Variants in SNRNP40 observed in about 807,000 individuals in gnomAD.
The protein encoded by SNRNP40 is small nuclear ribonucleoprotein U5 subunit 40.
A neutral mutation model predicts 45.8 loss-of-function variants in SNRNP40; 21 were observed. The ratio of observed to expected loss-of-function variants is 0.46; its 90% CI spans 0.32 to 0.66. The LOEUF is 0.66. Ranked by LOEUF, SNRNP40 falls within the 30% of genes least tolerant of loss-of-function variation. The pLI is 0.03. For missense variants in SNRNP40, 344 were observed against 439.1 expected, an observed-to-expected ratio of 0.78 and a Z score of 1.94; for synonymous variants, 142 against 163.8, an observed-to-expected ratio of 0.87 and a Z score of 1.01.
At position 31,291,288 on chromosome 1, in the gene SNRNP40, CA is replaced by C. The variant is rs55857301; in HGVS notation, c.365+624del. On this transcript the variant is annotated intron_variant, in intron 3 of 9. Coordinates refer to ENST00000263694, the MANE Select transcript of SNRNP40 (RefSeq NM_004814.3). ...GGGCAACAAGAGTGAAATTCCGTCT[CA>C]AAAAAAAAAAATTAACACTGATTAT... Among the ~76,000 whole-genome samples, 693 of 128,632 alleles carry C rather than the reference CA, an allele frequency of 5.4e-3. 18 individuals carry two copies. The highest frequency in any genetic ancestry group is 0.018 in the African/African-American group (648 of 35,126). The allele number at this position is 128,632 out of a possible 152,430, so 84.4% of individuals were successfully genotyped here.
intron 8 of SNRNP40, among the ~76,000 whole-genome samples, chr1:31,262,317 T>G (rs1198917255): frequency 6.6e-6 from 1 of 151,720 alleles, no homozygotes; most frequent in African/African-American, 2.4e-5. Context: ...GTCTGGAGTT[T>G]GAGACCAGCC....
intron 2 of SNRNP40, among the ~76,000 whole-genome samples, chr1:31,292,378 C>T (rs1159036893): frequency 6.6e-6 from 1 of 151,930 alleles, no homozygotes; most frequent in Non-Finnish European, 1.5e-5. Flanking sequence ...GCCAACCGAC[C>T]AACCAAACAA....
At chr1:31,289,871 C>A (rs1326018394) in intron 3 of SNRNP40, among the ~76,000 whole-genome samples, 2 of 151,948 alleles carry the variant, frequency 1.3e-5, no homozygotes, top group African/African-American at 4.8e-5. Context: ...AGGACAATTT[C>A]TTTCTTTCAT....
chr1:31,286,653 C>G (rs950901074), intron 4 of SNRNP40, among the ~76,000 whole-genome samples: 1 of 152,150 alleles, frequency 6.6e-6, no homozygotes. Context: ...TACAGGCGAC[C>G]CTTTCACCCC....
At chr1:31,292,547 T>C (rs1646115157) in intron 2 of SNRNP40, among the ~76,000 whole-genome samples, 1 of 152,050 alleles carries the variant, frequency 6.6e-6, no homozygotes, top group Non-Finnish European at 1.5e-5. Flanking sequence ...ACGGGTATCA[T>C]CCACCCGGCA....
At chr1:31,284,477 C>T (rs897367966) in intron 4 of SNRNP40, among the ~76,000 whole-genome samples, 1 of 152,174 alleles carries the variant, frequency 6.6e-6, no homozygotes, top group Non-Finnish European at 1.5e-5. Flanking sequence ...ACAAACAAAC[C>T]CTTATAGCTC....
intron 4 of SNRNP40, among the ~76,000 whole-genome samples, chr1:31,286,757 C>CT (rs1043102158): frequency 7.7e-4 from 118 of 152,308 alleles, no homozygotes; most frequent in African/African-American, 2.5e-3. Flanking sequence ...TCCTCACTCT[C>CT]TGACTACTCC....
At chr1:31,268,967 A>G (rs942898199) in intron 7 of SNRNP40, among the ~76,000 whole-genome samples, 191 bp downstream of exon 7, 1 of 152,218 alleles carries the variant, frequency 6.6e-6, no homozygotes, top group Non-Finnish European at 1.5e-5. Flanking sequence ...CTTTTGGGCT[A>G]TATGACTGGC....
chr1:31,274,486 C>A (rs6425729), intron 5 of SNRNP40, among the ~76,000 whole-genome samples: 21,334 of 151,880 alleles, frequency 0.14, 1,636 homozygotes, highest in African/African-American at 0.17. Context: ...TGTGATCCGC[C>A]CACCTCAGCC....
intron 1 of SNRNP40, 141 bp downstream of exon 1, chr1:31,296,470 C>T (rs1646159947): frequency 1.7e-6 from 2 of 1,156,974 alleles, no homozygotes; most frequent in Non-Finnish European, 2.4e-6. Context: ...GGAGCTTTTA[C>T]AGTGTTTATG....
At chr1:31,284,328 T>C (rs1214092307) in intron 4 of SNRNP40, among the ~76,000 whole-genome samples, 1 of 152,192 alleles carries the variant, frequency 6.6e-6, no homozygotes, top group Non-Finnish European at 1.5e-5. Context: ...TTTCTATTTT[T>C]AGAAGAGACG....
chr1:31,271,315 G>C (rs1411233056), intron 6 of SNRNP40, 64 bp downstream of exon 6: 5 of 1,520,424 alleles, frequency 3.3e-6, no homozygotes, highest in African/African-American at 1.4e-5. Flanking sequence ...TCGTCTGATG[G>C]AATCTGTGAG....
chr1:31,267,043 TA>T (rs969041524), intron 8 of SNRNP40, among the ~76,000 whole-genome samples: 4 of 152,032 alleles, frequency 2.6e-5, no homozygotes, highest in Non-Finnish European at 5.9e-5. Flanking sequence ...CAAGAGGTAA[TA>T]GAGAGAGGGG....
chr1:31,280,958 T>C (rs1646012567), intron 5 of SNRNP40, among the ~76,000 whole-genome samples: 1 of 152,184 alleles, frequency 6.6e-6, no homozygotes, highest in South Asian at 2.1e-4. Flanking sequence ...CCTTCTCTCA[T>C]TCTTAGAGAA....
chr1:31,281,753 C>A, intron 4 of SNRNP40: 1 of 291,836 alleles, frequency 3.4e-6, no homozygotes, highest in South Asian at 1.0e-4. Flanking sequence ...AGAGTTAAAT[C>A]AACATACTCT....
At chr1:31,295,311 C>T (rs1046566033) in intron 1 of SNRNP40, among the ~76,000 whole-genome samples, 1 of 151,428 alleles carries the variant, frequency 6.6e-6, no homozygotes, top group African/African-American at 2.4e-5. Flanking sequence ...TGTACTGAGC[C>T]AGTGGTCAAC....
chr1:31,261,388 A>C (rs556407262), intron 9 of SNRNP40, 141 bp downstream of exon 9: 17 of 601,632 alleles, frequency 2.8e-5, no homozygotes, highest in East Asian at 1.2e-4. Context: ...AAAAAAACCA[A>C]CAACAACAAC....
intron 5 of SNRNP40, among the ~76,000 whole-genome samples, chr1:31,271,986 A>C (rs1352236585): frequency 6.6e-6 from 1 of 152,212 alleles, no homozygotes; most frequent in African/African-American, 2.4e-5. Context: ...TGACTAGATA[A>C]ATATAAACGA....
intron 1 of SNRNP40, among the ~76,000 whole-genome samples, chr1:31,294,552 T>C (rs1402958430): frequency 6.6e-6 from 1 of 151,670 alleles, no homozygotes; most frequent in African/African-American, 2.4e-5. Flanking sequence ...CTCCGCCTCC[T>C]GGGTTCAAGC....
Sources: gnomAD v4.1 joint callset for allele counts (sites outside exome capture counted in the v4.1 genomes callset) on GRCh38, gnomAD v4.1.1 for gene constraint, MANE v1.5 for transcripts, NCBI Gene and HGNC (gene_info 2026-07-23, HGNC 2026-07-21) for gene names.